The following LHPP variants were observed in gnomAD, a reference collection of about 807,000 sequenced individuals.
LHPP encodes phospholysine phosphohistidine inorganic pyrophosphate phosphatase.
Under a neutral mutation model 30.3 loss-of-function variants are expected in LHPP, and 24 were observed. That is an observed-to-expected ratio of 0.79 (90% CI 0.57 to 1.11). The LOEUF (loss-of-function observed/expected upper bound fraction) is 1.11, where lower values mean the gene tolerates loss of function less well. Ranked by LOEUF, LHPP falls within the 50% of genes most tolerant of loss-of-function variation. The pLI, the probability that LHPP is intolerant of heterozygous loss-of-function variation, is 0.00. For missense variants in LHPP, 356 were observed against 367.2 expected (o/e 0.97, Z 0.25); for synonymous variants, 150 against 157.1 (o/e 0.95, Z 0.34).
intron 6 of LHPP, among the ~76,000 whole-genome samples, chr10:124,559,256 C>G (rs189843635): frequency 3.9e-5 from 6 of 152,228 alleles, no homozygotes; most frequent in Non-Finnish European, 8.8e-5. Flanking sequence ...ACAGTGCTAT[C>G]TGAAGATGAG....
chr10:124,578,723 A>T (rs560236082), intron 6 of LHPP, among the ~76,000 whole-genome samples: 1 of 152,324 alleles, frequency 6.6e-6, no homozygotes, highest in South Asian at 2.1e-4. Flanking sequence ...CACGCGTCAG[A>T]AGCTAGCAGG....
intron 1 of LHPP, among the ~76,000 whole-genome samples, chr10:124,477,582 G>T (rs11245102): frequency 1.3e-5 from 2 of 151,966 alleles, no homozygotes; most frequent in African/African-American, 2.4e-5. Flanking sequence ...AAGTGGGCCC[G>T]TCAGATCTGG....
At chr10:124,528,104 G>C (rs1452722588) in intron 6 of LHPP, among the ~76,000 whole-genome samples, 2 of 152,004 alleles carry the variant, frequency 1.3e-5, no homozygotes, top group Non-Finnish European at 2.9e-5. Flanking sequence ...GTGTCAAGTG[G>C]GGCTGAGCCC....
intron 3 of LHPP, among the ~76,000 whole-genome samples, chr10:124,492,682 G>A (rs1184779213): frequency 1.3e-5 from 2 of 152,202 alleles, no homozygotes; most frequent in Non-Finnish European, 2.9e-5. Context: ...GCCCAGCCAA[G>A]TTGACATATT....
At chr10:124,535,298 T>C (rs756252961) in intron 6 of LHPP, among the ~76,000 whole-genome samples, 6 of 152,250 alleles carry the variant, frequency 3.9e-5, no homozygotes, top group Non-Finnish European at 5.9e-5. Flanking sequence ...CTTTGAACCC[T>C]GGGAGTCGAA....
At chr10:124,580,870 C>T (rs1024595142) in intron 6 of LHPP, among the ~76,000 whole-genome samples, 3 of 152,142 alleles carry the variant, frequency 2.0e-5, no homozygotes, top group African/African-American at 7.2e-5. Flanking sequence ...AGGCACCCGC[C>T]ACCACACCCA....
intron 1 of LHPP, among the ~76,000 whole-genome samples, chr10:124,470,383 C>A (rs1423891385): frequency 8.8e-6 from 1 of 114,142 alleles, no homozygotes; most frequent in Non-Finnish European, 2.2e-5. Flanking sequence ...CCCAGGACCG[C>A]CCCGATCGAT....
At chr10:124,519,290 C>A (rs1954544583) in intron 6 of LHPP, among the ~76,000 whole-genome samples, 1 of 152,238 alleles carries the variant, frequency 6.6e-6, no homozygotes, top group Non-Finnish European at 1.5e-5. Flanking sequence ...AATCCTTCCA[C>A]ACTGCCTTCT....
At chr10:124,546,338 T>G (rs922186006) in intron 6 of LHPP, 3 of 152,646 alleles carry the variant, frequency 2.0e-5, no homozygotes, top group African/African-American at 7.2e-5. Flanking sequence ...TTCCCTTCCT[T>G]ATGAGCTCCC....
intron 1 of LHPP, among the ~76,000 whole-genome samples, chr10:124,475,772 G>A (rs376520949): frequency 5.5e-4 from 84 of 152,186 alleles, no homozygotes; most frequent in African/African-American, 1.9e-3. Context: ...AGGGACGTCG[G>A]GCTGCTGCTG....
At chr10:124,498,362 C>A in intron 5 of LHPP, 1 of 1,563,232 alleles carries the variant, frequency 6.4e-7, no homozygotes, top group East Asian at 2.3e-5. Context: ...GCAGAAATGC[C>A]TGCGGCTTTT....
In LHPP at chr10:124,478,493, A is replaced by G. The variant is rs1464331703; in HGVS notation, c.126-5646A>G. Among the ~76,000 whole-genome samples the G allele has an allele frequency of 6.6e-6, 1 of 152,218 alleles. No homozygotes were observed. The highest frequency in any genetic ancestry group is 6.5e-5 in the Admixed American group (1 of 15,286). On this transcript the variant is annotated intron_variant, in intron 1 of 6. Transcript: ENST00000368842. This position sits in a 1 kb window ranked among gnomAD's most constrained non-coding sequence, Gnocchi z 4.7. ...AGCCTCAGGACCCTCGGCGGTCCCC[A>G]GAGGGCTAGCTATTGAGCTGTCCCA... is the stretch of plus-strand genomic sequence containing the variant.
intron 6 of LHPP, among the ~76,000 whole-genome samples, chr10:124,584,408 C>G (rs943914345): frequency 6.6e-6 from 1 of 151,534 alleles, no homozygotes; most frequent in Non-Finnish European, 1.5e-5. Flanking sequence ...TATTTCCTCA[C>G]GGTTCTGGAG....
At chr10:124,598,053 C>T (rs958892186) in intron 6 of LHPP, among the ~76,000 whole-genome samples, 4 of 152,024 alleles carry the variant, frequency 2.6e-5, no homozygotes, top group South Asian at 2.1e-4. Flanking sequence ...GGCAGTGAGA[C>T]GTCCAGGCCT....
chr10:124,575,644 G>A (rs1948647936), intron 6 of LHPP, among the ~76,000 whole-genome samples: 1 of 152,140 alleles, frequency 6.6e-6, no homozygotes, highest in Non-Finnish European at 1.5e-5. Flanking sequence ...GTAGGCGTCT[G>A]CAGGACTGGC....
At chr10:124,488,040 A>G (rs1052250703) in intron 2 of LHPP, among the ~76,000 whole-genome samples, 49 of 152,218 alleles carry the variant, frequency 3.2e-4, no homozygotes, top group African/African-American at 1.1e-3. Context: ...CCAACCCTCC[A>G]AGGCTTGTGC....
At chr10:124,599,804 G>A (rs1396771403) in intron 6 of LHPP, among the ~76,000 whole-genome samples, 1 of 152,220 alleles carries the variant, frequency 6.6e-6, no homozygotes, top group Non-Finnish European at 1.5e-5. Context: ...GTCGTGCTCT[G>A]TGGACAGAGC....
rs1309435181 is a variant in LHPP at position 124,507,795 on chromosome 10, TG to T, written c.625-9377del. Among the ~76,000 whole-genome samples the T allele has an allele frequency of 7.3e-3, 36 of 4,902 alleles. 2 individuals carry two copies. Among genetic ancestry groups the T allele is most frequent in the African/African-American group, 0.011 (10 of 892 alleles). The allele number at this position is 4,902 out of a possible 152,430, so 3.2% of individuals were successfully genotyped here. On this transcript the variant is annotated intron_variant, in intron 5 of 6. Coordinates refer to ENST00000368842, the MANE Select transcript of LHPP (RefSeq NM_022126.4). ...GTGGGGGGATAGGGAGTATTTCAGG[TG>T]GGGGGGGTAGGGAGGATTTCAGGTG...
At chr10:124,488,681 G>T in intron 3 of LHPP, 106 bp downstream of exon 3, 1 of 944,028 alleles carries the variant, frequency 1.1e-6, no homozygotes, top group Non-Finnish European at 1.6e-6. Context: ...GGAGGTGGGA[G>T]GAGCACCGGT....
Sources: allele counts gnomAD v4.1 joint callset (sites outside exome capture counted in the v4.1 genomes callset), GRCh38; gene constraint gnomAD v4.1.1; non-coding constraint Gnocchi (gnomAD v3.1); transcripts MANE v1.5; gene names NCBI Gene and HGNC (gene_info 2026-07-23, HGNC 2026-07-21).